The following SEMA4D variants were observed in gnomAD, a reference collection of about 807,000 sequenced individuals.
SEMA4D encodes semaphorin 4D, also known as semaphorin-4D.
Under a neutral mutation model 74.8 loss-of-function variants are expected in SEMA4D, and 22 were observed. That is an observed-to-expected ratio of 0.29 (90% CI 0.21 to 0.42). The LOEUF is 0.42. Among genes scored for constraint, SEMA4D ranks in the 10% least tolerant of loss-of-function variants. SEMA4D has a pLI of 1.00. For missense variants in SEMA4D, 937 were observed against 1,118.4 expected (o/e 0.84, Z 2.31); for synonymous variants, 445 against 463.7 (o/e 0.96, Z 0.52).
At chr9:89,450,308 C>G in intron 2 of SEMA4D, 2 of 913,620 alleles carry the variant, frequency 2.2e-6, no homozygotes, top group Non-Finnish European at 3.7e-6. Flanking sequence ...ACAAATGAGA[C>G]CCCTCCAAAC....
chr9:89,476,136 G>A (rs760573157), intron 1 of SEMA4D, among the ~76,000 whole-genome samples: 7 of 152,246 alleles, frequency 4.6e-5, no homozygotes, highest in South Asian at 4.1e-4. Context: ...GCCAACCTTC[G>A]GCCACCTCAT....
At chr9:89,429,645 C>T (rs546425878) in intron 2 of SEMA4D, among the ~76,000 whole-genome samples, 24 of 152,116 alleles carry the variant, frequency 1.6e-4, no homozygotes, top group Non-Finnish European at 2.4e-4. Context: ...GCCTGGTGAG[C>T]ACTTCATGAA....
intron 1 of SEMA4D, among the ~76,000 whole-genome samples, chr9:89,457,025 G>T (rs1250402901): frequency 6.6e-6 from 1 of 152,216 alleles, no homozygotes; most frequent in Non-Finnish European, 1.5e-5. Context: ...AGCAGGGAGT[G>T]AGCATCGCAA....
intron 1 of SEMA4D, 124 bp from the exon 2 acceptor site, chr9:89,456,077 G>C (rs1189311288): frequency 6.6e-6 from 1 of 152,256 alleles, no homozygotes; most frequent in Non-Finnish European, 1.5e-5. Flanking sequence ...GACTGCAAGA[G>C]CATCGTCCTA....
At chr9:89,428,822 G>A (rs756856143) in intron 2 of SEMA4D, among the ~76,000 whole-genome samples, 5 of 152,212 alleles carry the variant, frequency 3.3e-5, no homozygotes, top group East Asian at 1.9e-4. Context: ...AGGGAAATAC[G>A]CAAGAAAGCA....
chr9:89,364,083 T>C, intron 16 of SEMA4D: 2 of 1,558,998 alleles, frequency 1.3e-6, no homozygotes, highest in Non-Finnish European at 1.7e-6. Flanking sequence ...TCCAATTCAG[T>C]CCCTGGGACT....
intron 13 of SEMA4D, 166 bp downstream of exon 13, chr9:89,386,201 G>T: frequency 3.3e-6 from 2 of 601,636 alleles, no homozygotes; most frequent in Non-Finnish European, 4.2e-6. Context: ...AGATCCCACA[G>T]CTCACGGAAT....
At chr9:89,362,314 G>A (rs1232606527) in exon 19 of SEMA4D, 3 of 1,611,288 alleles carry the variant, frequency 1.9e-6, no homozygotes, top group Non-Finnish European at 1.7e-6. Flanking sequence ...AGTTGTGGGG[G>A]ACCAGGCCTT....
chr9:89,491,362 G>C (rs554366003), intron 1 of SEMA4D, among the ~76,000 whole-genome samples: 1 of 152,316 alleles, frequency 6.6e-6, no homozygotes, highest in South Asian at 2.1e-4. Flanking sequence ...CTGAGCTCAG[G>C]AGATCGAGAC....
intron 2 of SEMA4D, among the ~76,000 whole-genome samples, chr9:89,444,993 T>C (rs938064131): frequency 6.6e-6 from 1 of 151,948 alleles, no homozygotes; most frequent in Admixed American, 6.5e-5. Context: ...TCACAGAAGA[T>C]CCAAACGGCC....
intron 8 of SEMA4D, 50 bp from the exon 9 acceptor site, chr9:89,391,465 C>T (rs1382376742): frequency 1.9e-6 from 3 of 1,602,122 alleles, no homozygotes; most frequent in Non-Finnish European, 2.6e-6. Context: ...TGGGGGACTG[C>T]CTGCACCCAT....
chr9:89,413,122 A>T (rs1304073731), intron 2 of SEMA4D, among the ~76,000 whole-genome samples: 1 of 152,214 alleles, frequency 6.6e-6, no homozygotes, highest in Admixed American at 6.5e-5. Flanking sequence ...GACAGTGTGA[A>T]ATTGCTGCCC....
intron 1 of SEMA4D, among the ~76,000 whole-genome samples, chr9:89,463,556 C>T (rs556499003): frequency 6.6e-6 from 1 of 152,304 alleles, no homozygotes; most frequent in East Asian, 1.9e-4. Context: ...ATTTTCGCAG[C>T]AGAGGTGGGG....
intron 2 of SEMA4D, among the ~76,000 whole-genome samples, chr9:89,433,278 CCGGCAGCAGA>C (rs1849662304): frequency 7.5e-6 from 1 of 133,292 alleles, no homozygotes; most frequent in Non-Finnish European, 1.6e-5. Flanking sequence ...GAGACAGCAG[CCGGCAGCAGA>C]CGGACTGAGG....
At chr9:89,480,410 T>G (rs1824487341) in intron 1 of SEMA4D, among the ~76,000 whole-genome samples, 1 of 152,260 alleles carries the variant, frequency 6.6e-6, no homozygotes, top group South Asian at 2.1e-4. Flanking sequence ...TCCTGTGCCG[T>G]GCGCTCGCAT....
chr9:89,452,501 G>A (rs1049855882), intron 2 of SEMA4D, among the ~76,000 whole-genome samples: 1 of 152,034 alleles, frequency 6.6e-6, no homozygotes, highest in Non-Finnish European at 1.5e-5. Flanking sequence ...GCCTAGGCTG[G>A]AGTGCAATGG....
chr9:89,447,074 C>T (rs555234586), intron 2 of SEMA4D, among the ~76,000 whole-genome samples: 2 of 152,236 alleles, frequency 1.3e-5, no homozygotes, highest in South Asian at 4.2e-4. Context: ...AGCAGCCAGT[C>T]CGAACCCCGA....
chr9:89,450,144 G>A (rs558488286), intron 2 of SEMA4D: 17 of 1,277,314 alleles, frequency 1.3e-5, no homozygotes, highest in Admixed American at 3.4e-5. Flanking sequence ...GCATGTCATC[G>A]ATGGAGAAAA....
chr9:89,479,283 G>A (rs557777997), intron 1 of SEMA4D, among the ~76,000 whole-genome samples: 97 of 152,268 alleles, frequency 6.4e-4, no homozygotes, highest in Non-Finnish European at 1.2e-3. Flanking sequence ...CACAGCAAGG[G>A]GACAGACACC....
Sources: gnomAD v4.1 joint callset for allele counts (sites outside exome capture counted in the v4.1 genomes callset) on GRCh38, gnomAD v4.1.1 for gene constraint, MANE v1.5 for transcripts, NCBI Gene and HGNC (gene_info 2026-07-23, HGNC 2026-07-21) for gene names.